Variants in GATB observed in about 807,000 individuals in gnomAD.
GATB encodes glutamyl-tRNA(Gln) amidotransferase subunit B, mitochondrial.
GATB carries 39 observed loss-of-function variants against 62.3 expected under a neutral mutation model. The ratio of observed to expected loss-of-function variants is 0.63; its 90% confidence interval spans 0.48 to 0.82. The LOEUF is 0.82. Ranked by LOEUF, GATB falls within the 40% of genes least tolerant of loss-of-function variation. The pLI, the probability that GATB is intolerant of heterozygous loss-of-function variation, is 0.00. For synonymous variants in GATB, 276 were observed against 258.9 expected (o/e 1.07, Z -0.63); for missense variants, 670 against 684.0 (o/e 0.98, Z 0.23).
intron 2 of GATB, among the ~76,000 whole-genome samples, chr4:151,727,034 C>T (rs781160761): frequency 1.3e-5 from 2 of 152,280 alleles, no homozygotes; most frequent in South Asian, 2.1e-4. Context: ...CTCCCACTTT[C>T]GCCTCCCGAA....
At chr4:151,750,332 A>C (rs1232402648) in intron 2 of GATB, among the ~76,000 whole-genome samples, 1 of 152,026 alleles carries the variant, frequency 6.6e-6, no homozygotes, top group African/African-American at 2.4e-5. Context: ...CTCGTTTGGT[A>C]TTTATCTTCC....
chr4:151,712,375 C>T (rs1560853214), intron 5 of GATB, among the ~76,000 whole-genome samples: 1 of 152,218 alleles, frequency 6.6e-6, no homozygotes, highest in Non-Finnish European at 1.5e-5. Context: ...GAGGGACAGC[C>T]TTCATTCACA....
At chr4:151,743,009 G>T (rs1739524428) in intron 2 of GATB, among the ~76,000 whole-genome samples, 1 of 152,130 alleles carries the variant, frequency 6.6e-6, no homozygotes, top group Non-Finnish European at 1.5e-5. Context: ...ATTTAAAAGA[G>T]AAAAACAGAA....
intron 11 of GATB, among the ~76,000 whole-genome samples, chr4:151,678,530 A>G (rs964312518): frequency 2.0e-5 from 3 of 152,136 alleles, no homozygotes; most frequent in African/African-American, 7.2e-5. Flanking sequence ...ATTGTCATAA[A>G]CATTTGTATT....
At chr4:151,725,139 T>C (rs1739112988) in intron 2 of GATB, among the ~76,000 whole-genome samples, 1 of 152,226 alleles carries the variant, frequency 6.6e-6, no homozygotes, top group Non-Finnish European at 1.5e-5. Flanking sequence ...GGAAACACAC[T>C]AGAAGCTGGA....
At chr4:151,760,403 TA>T (rs1739927992) in intron 1 of GATB, among the ~76,000 whole-genome samples, 1 of 152,164 alleles carries the variant, frequency 6.6e-6, no homozygotes. Context: ...AGCTTGTAGG[TA>T]AAGGCTCCCT....
chr4:151,690,520 G>C (rs992853342), intron 9 of GATB, among the ~76,000 whole-genome samples: 2 of 152,250 alleles, frequency 1.3e-5, no homozygotes, highest in African/African-American at 4.8e-5. Flanking sequence ...GCCCAAATCA[G>C]ACGGGCAGAA....
intron 9 of GATB, among the ~76,000 whole-genome samples, chr4:151,699,125 C>T (rs557796119): frequency 1.3e-5 from 2 of 152,222 alleles, no homozygotes; most frequent in South Asian, 4.1e-4. Flanking sequence ...TGTGGTGGCT[C>T]ACACCTGTAA....
chr4:151,715,951 A>G, intron 5 of GATB, 58 bp downstream of exon 5: 1 of 1,564,030 alleles, frequency 6.4e-7, no homozygotes, highest in Non-Finnish European at 8.7e-7. Context: ...AAAGTCAGAG[A>G]GGTTCTAGAA....
chr4:151,676,568 G>C (rs887749524), intron 11 of GATB: 1 of 152,240 alleles, frequency 6.6e-6, no homozygotes, highest in Non-Finnish European at 1.5e-5. Context: ...CAGGTTAGCT[G>C]TAACTCTGAC....
intron 2 of GATB, among the ~76,000 whole-genome samples, chr4:151,735,311 T>C (rs1237228940): frequency 6.8e-6 from 1 of 147,946 alleles, no homozygotes; most frequent in East Asian, 2.0e-4. Context: ...AAAGAAGATA[T>C]ACAAATGGCC....
chr4:151,699,937 C>T (rs1214726933), intron 9 of GATB, among the ~76,000 whole-genome samples: 1 of 152,134 alleles, frequency 6.6e-6, no homozygotes, highest in Admixed American at 6.5e-5. Context: ...CTTAAATCTT[C>T]GAGGCTGAGT....
At chr4:151,701,869 G>A (rs1372151394) in intron 8 of GATB, among the ~76,000 whole-genome samples, 2 of 152,228 alleles carry the variant, frequency 1.3e-5, no homozygotes, top group African/African-American at 4.8e-5. Flanking sequence ...GTAGAGATGT[G>A]TCGTTAGGTG....
At position 151,760,952 on chromosome 4, in the gene GATB, G is replaced by C. The variant is rs372266285; in HGVS notation, c.31C>G (p.Arg11Gly). Residue 11 changes from arginine (R) to glycine (G), a missense_variant, in exon 1 of 13, where the codon CGT (arginine) becomes GGT (glycine). Coordinates refer to ENST00000263985, the MANE Select transcript of GATB (RefSeq NM_004564.3). ...CGGGCGAAAGCCCAACGTCTTCCAC[G>C]GCAGCCCCAGCGCAGCATGGGCGCC... is the stretch of plus-strand genomic sequence containing the variant. MAAPMLRWGC[R>G]GRRWAFARVD... The C allele has an allele frequency of 1.2e-6, 2 of 1,613,134 alleles. No homozygotes were observed. The highest frequency in any genetic ancestry group is 1.7e-5 in the Admixed American group (1 of 59,966).
chr4:151,677,436 G>A (rs1213241834), intron 11 of GATB: 1 of 151,994 alleles, frequency 6.6e-6, no homozygotes, highest in Non-Finnish European at 1.5e-5. Flanking sequence ...TAACAGGTGA[G>A]ACTGTAAGAT....
chr4:151,731,790 G>A lies in GATB; in HGVS notation c.328-12252C>T, dbSNP rs1249340016. Among the ~76,000 whole-genome samples the A allele has an allele frequency of 1.5e-4, 23 of 149,768 alleles. No individual in the cohort carries two copies. The East Asian group carries it at 2.4e-3, about 15-fold the overall frequency. On this transcript the variant is annotated intron_variant, in intron 2 of 12. Transcript: ENST00000263985. ...TGACCCCGTCTGGGAGGTGAGGAGC[G>A]TCTCTGCCCGGCCGCCCCGTCTGAG...
chr4:151,731,159 T>C (rs1739237957), intron 2 of GATB, among the ~76,000 whole-genome samples: 1 of 144,334 alleles, frequency 6.9e-6, no homozygotes, highest in African/African-American at 2.5e-5. Context: ...CTCCCTCTGA[T>C]GCCAAGCCGA....
chr4:151,719,304 T>G, intron 3 of GATB, 121 bp downstream of exon 3: 1 of 689,206 alleles, frequency 1.5e-6, no homozygotes, highest in African/African-American at 1.8e-5. Context: ...CCTGCTGGGA[T>G]GGACACAGTG....
intron 11 of GATB, chr4:151,677,745 G>A (rs984549422): frequency 1.8e-4 from 27 of 152,100 alleles, no homozygotes; most frequent in African/African-American, 5.6e-4. Flanking sequence ...GATGCGTGCC[G>A]CAACACAGAT....
Sources: gnomAD v4.1 joint callset for allele counts (sites outside exome capture counted in the v4.1 genomes callset) on GRCh38, gnomAD v4.1.1 for gene constraint, MANE v1.5 for transcripts, NCBI Gene and HGNC (gene_info 2026-07-23, HGNC 2026-07-21) for gene names.